Variants in SEMA3A observed in about 807,000 individuals in gnomAD.
SEMA3A encodes semaphorin 3A.
In SEMA3A, 29 loss-of-function variants were observed where a neutral mutation model predicts 97.9. The ratio of observed to expected loss-of-function variants is 0.30; its 90% confidence interval spans 0.22 to 0.40. The LOEUF is 0.40. Among genes scored for constraint, SEMA3A ranks in the 10% least tolerant of loss-of-function variants. The pLI is 1.00. For missense variants in SEMA3A, 763 were observed against 951.3 expected, an observed-to-expected ratio of 0.80 and a Z score of 2.60; for synonymous variants, 321 against 323.7, an observed-to-expected ratio of 0.99 and a Z score of 0.09.
chr7:83,994,627 C>T (rs980932714), intron 12 of SEMA3A, among the ~76,000 whole-genome samples: 3 of 143,406 alleles, frequency 2.1e-5, no homozygotes, highest in East Asian at 2.4e-4. Flanking sequence ...TTAGGCTGCT[C>T]CGGGATCAGG....
At chr7:84,387,059 T>C (rs1369029482) in intron 1 of SEMA3A, among the ~76,000 whole-genome samples, 1 of 152,052 alleles carries the variant, frequency 6.6e-6, no homozygotes, top group Non-Finnish European at 1.5e-5. Flanking sequence ...GCTGTGTGAT[T>C]TGGGGCCCAG....
intron 3 of SEMA3A, among the ~76,000 whole-genome samples, chr7:84,280,821 A>T (rs578177235): frequency 1.1e-3 from 164 of 152,240 alleles, no homozygotes; most frequent in Middle Eastern, 3.4e-3. Context: ...AGAAATAATA[A>T]TATAAAAATT....
At chr7:84,191,342 G>A (rs1798033102) in intron 1 of SEMA3A, among the ~76,000 whole-genome samples, 1 of 151,384 alleles carries the variant, frequency 6.6e-6, no homozygotes. Flanking sequence ...TAAAATCATT[G>A]ATTTAACCTT....
rs368831739 is a variant in SEMA3A, at chr7:84,410,959, C to T, written c.-245-39059G>A. 8.6e-5 allele frequency among the ~76,000 whole-genome samples: 13 copies of T among 152,044 alleles called. 2 individuals carry two copies. Among genetic ancestry groups the T allele is most frequent in the Admixed American group, 6.6e-5 (1 of 15,250 alleles). On this transcript the variant is annotated intron_variant, in intron 1 of 3. Coordinates refer to the SEMA3A transcript ENST00000424555. Reference sequence around the variant, plus strand: ...TTCAGGTTTTTCTTGTTGTCGTTGTCGGGGGATTGTAACTTTTTATTCCAC... The same window carrying T: ...TTCAGGTTTTTCTTGTTGTCGTTGTTGGGGGATTGTAACTTTTTATTCCAC...
intron 1 of SEMA3A, among the ~76,000 whole-genome samples, chr7:84,418,086 G>A (rs1327088489): frequency 6.6e-6 from 1 of 152,106 alleles, no homozygotes; most frequent in African/African-American, 2.4e-5. Context: ...TTCTGAGTGT[G>A]TCTGTGAGGG....
intron 3 of SEMA3A, among the ~76,000 whole-genome samples, chr7:84,275,390 C>T (rs1800269621): frequency 6.6e-6 from 1 of 152,064 alleles, no homozygotes; most frequent in South Asian, 2.1e-4. Flanking sequence ...CTCTAATTCA[C>T]TTTGTACTTT....
intron 2 of SEMA3A, among the ~76,000 whole-genome samples, chr7:84,367,626 A>T (rs1357959677): frequency 6.6e-6 from 1 of 151,028 alleles, no homozygotes; most frequent in African/African-American, 2.4e-5. Context: ...ACAAGAGCCT[A>T]AGATTTTGAT....
chr7:84,120,917 A>G (rs1415260949), intron 3 of SEMA3A, among the ~76,000 whole-genome samples: 2 of 152,114 alleles, frequency 1.3e-5, no homozygotes, highest in African/African-American at 4.8e-5. Context: ...TTCTTGTGCT[A>G]TTTCCACTGG....
chr7:84,267,228 A>C (rs1168808050), intron 3 of SEMA3A, among the ~76,000 whole-genome samples: 2 of 152,130 alleles, frequency 1.3e-5, no homozygotes, highest in Admixed American at 1.3e-4. Flanking sequence ...AAAAAGTCTA[A>C]AATCCAAAAC....
chr7:84,425,853 A>AACAC (rs368734761), intron 1 of SEMA3A, among the ~76,000 whole-genome samples: 2,034 of 110,312 alleles, frequency 0.018, 29 homozygotes, highest in African/African-American at 0.057. Flanking sequence ...ATGTTTATAT[A>AACAC]ACACACACAC....
At chr7:84,138,217 T>TA (rs200987864) in intron 1 of SEMA3A, among the ~76,000 whole-genome samples, 2,362 of 129,974 alleles carry the variant, frequency 0.018, 47 homozygotes, top group African/African-American at 0.05. Flanking sequence ...ACTATATATA[T>TA]TTTTTTTCTT....
At chr7:84,089,781 C>T (rs1012560497) in intron 4 of SEMA3A, among the ~76,000 whole-genome samples, 3 of 151,696 alleles carry the variant, frequency 2.0e-5, no homozygotes, top group African/African-American at 4.8e-5. Context: ...TAGACATGTA[C>T]TGTGTATCAC....
At chr7:84,038,367 C>T (rs1405139282) in intron 6 of SEMA3A, among the ~76,000 whole-genome samples, 1 of 152,058 alleles carries the variant, frequency 6.6e-6, no homozygotes, top group Non-Finnish European at 1.5e-5. Context: ...TTAATTGTTC[C>T]ATTCATTAAA....
At chr7:84,454,223 T>C (rs1332565478) in intron 1 of SEMA3A, among the ~76,000 whole-genome samples, 1 of 152,212 alleles carries the variant, frequency 6.6e-6, no homozygotes, top group Non-Finnish European at 1.5e-5. Context: ...CATTTTTTAT[T>C]CTTATTTTGT....
intron 6 of SEMA3A, among the ~76,000 whole-genome samples, chr7:84,024,034 G>T (rs545162788): frequency 4.1e-4 from 61 of 148,872 alleles, no homozygotes; most frequent in Non-Finnish European, 7.0e-4. Context: ...AAAAAAATTA[G>T]TTCACAGAAA....
Position 84,479,082 on chromosome 7 carries a change from T to C in SEMA3A, c.-246+13378A>G, listed in dbSNP as rs183547465. 1.2e-4 allele frequency among the ~76,000 whole-genome samples: 18 copies of C among 152,300 alleles called. No homozygotes were observed. The East Asian group carries it at 3.5e-3, about 29-fold the overall frequency. On this transcript the variant is annotated intron_variant, in intron 1 of 3. Coordinates refer to the SEMA3A transcript ENST00000424555. ...TATAAAACAATTAGGTCAAGTGTTCTTTTTCAAAATATAATTTTTACAGCT... is the reference window on the plus strand; with the variant it reads ...TATAAAACAATTAGGTCAAGTGTTCCTTTTCAAAATATAATTTTTACAGCT...
chr7:84,304,013 A>C (rs1470985758), intron 3 of SEMA3A, among the ~76,000 whole-genome samples: 1 of 152,136 alleles, frequency 6.6e-6, no homozygotes, highest in Non-Finnish European at 1.5e-5. Context: ...TTCACTGGCC[A>C]TATTTCCATA....
chr7:84,288,630 G>A (rs1367382542), intron 3 of SEMA3A, among the ~76,000 whole-genome samples: 1 of 151,978 alleles, frequency 6.6e-6, no homozygotes, highest in Non-Finnish European at 1.5e-5. Context: ...CCCGGGAGGT[G>A]GAGTTTGCAG....
In SEMA3A at chr7:83,961,674, C is replaced by T. The variant is rs2116248918; in HGVS notation, c.2013G>A (p.Glu671=). 6.2e-7 allele frequency: 1 copy of T among 1,613,814 alleles called. No individual in the cohort carries two copies. Among genetic ancestry groups the T allele is most frequent in the Non-Finnish European group, 8.5e-7 (1 of 1,179,862 alleles). The change falls in exon 17 of 17, where the codon GAG becomes GAA. Residue 671 remains glutamate, a synonymous_variant. Coordinates refer to ENST00000265362, the MANE Select transcript of SEMA3A (RefSeq NM_006080.3). ...CTTTATGAAGAAGTTCTTCCAAATG[C>T]TCTGTGTCAATGACTTCCAGGGTTA... ...LKVTLEVIDT[E]HLEELLHKDD...
Sources: allele counts gnomAD v4.1 joint callset (sites outside exome capture counted in the v4.1 genomes callset), GRCh38; gene constraint gnomAD v4.1.1; transcripts MANE v1.5; gene names NCBI Gene and HGNC (gene_info 2026-07-23, HGNC 2026-07-21).